The following CACNB1 variants were observed in gnomAD, a reference collection of about 807,000 sequenced individuals.
The protein encoded by CACNB1 is calcium voltage-gated channel auxiliary subunit beta 1, also known as voltage-dependent L-type calcium channel subunit beta-1.
CACNB1 carries 29 observed loss-of-function variants against 71.6 expected under a neutral mutation model. The ratio of observed to expected loss-of-function variants is 0.40; its 90% CI spans 0.30 to 0.55. The LOEUF is 0.55. CACNB1 is among the 20% of genes least tolerant of loss of function. The probability of loss-of-function intolerance (pLI) is 0.38; values close to 1 mark genes in which losing one functional copy is unlikely to be tolerated. For synonymous variants in CACNB1, 300 were observed against 319.6 expected, an observed-to-expected ratio of 0.94 and a Z score of 0.65; for missense variants, 623 against 801.8, an observed-to-expected ratio of 0.78 and a Z score of 2.69.
At chr17:39,179,724 C>T (rs1255423490) in intron 11 of CACNB1, among the ~76,000 whole-genome samples, 1 of 151,536 alleles carries the variant, frequency 6.6e-6, no homozygotes, top group Non-Finnish European at 1.5e-5. Flanking sequence ...CATGGTGAAA[C>T]CCTGTCTTTA....
At chr17:39,184,890 AC>A in intron 7 of CACNB1, 26 bp from the exon 8 acceptor site, 1 of 1,437,452 alleles carries the variant, frequency 7.0e-7, no homozygotes, top group South Asian at 1.1e-5. Flanking sequence ...GGGAGGGGAA[AC>A]CCCAGAGTGG....
chr17:39,197,266 A>C (rs1427585405), intron 1 of CACNB1, 146 bp downstream of exon 1: 24 of 373,628 alleles, frequency 6.4e-5, no homozygotes, highest in Non-Finnish European at 9.0e-5. Flanking sequence ...CATCAATCAC[A>C]ACCTGCAAGG....
rs984333555 is a variant in CACNB1, at chr17:39,186,394, A to G, written c.628+102T>C. Reference sequence around the variant, plus strand: ...ACTGCATGTGCTTGGGGGACTCAGGATTGGGGTGTTTCCTACTGCAGGGAA... The same window carrying G: ...ACTGCATGTGCTTGGGGGACTCAGGGTTGGGGTGTTTCCTACTGCAGGGAA... On this transcript the variant is annotated intron_variant, in intron 6 of 13. Coordinates refer to ENST00000394303, the MANE Select transcript of CACNB1 (RefSeq NM_000723.5). This position sits in a 1 kb window ranked among gnomAD's most constrained non-coding sequence, Gnocchi z 4.1. 1.2e-4 allele frequency: 99 copies of G among 828,490 alleles called. No homozygotes were observed. Among genetic ancestry groups the G allele is most frequent in the Non-Finnish European group, 1.7e-4 (89 of 513,554 alleles). 51.3% of individuals were successfully genotyped at this position (828,490 alleles called of 1,614,324 possible).
chr17:39,194,854 TC>T lies in CACNB1; in HGVS notation c.171+29del. 1 of 1,504,068 alleles carries T rather than the reference TC, an allele frequency of 6.6e-7. No individual in the cohort carries two copies. The highest frequency in any genetic ancestry group is 9.2e-7 in the Non-Finnish European group (1 of 1,085,354). The allele number at this position is 1,504,068 out of a possible 1,614,324, so 93.2% of individuals were successfully genotyped here. On this transcript the variant is annotated intron_variant, in intron 2 of 13. Coordinates refer to ENST00000394303, the MANE Select transcript of CACNB1 (RefSeq NM_000723.5). The surrounding 1 kb of genome is among the most constrained non-coding windows in gnomAD (Gnocchi z 4.6). ...TGCTGGTCTCCACCAACCAGCCACCTCCCTCCTCTCCGCCCAGCCTCCCCAT... is the reference window on the plus strand; with the variant it reads ...TGCTGGTCTCCACCAACCAGCCACCTCCTCCTCTCCGCCCAGCCTCCCCAT...
chr17:39,184,118 C>T lies in CACNB1; in HGVS notation c.811G>A (p.Ala271Thr). 1 of 1,612,458 alleles carries T rather than the reference C, an allele frequency of 6.2e-7. No homozygotes were observed. Among genetic ancestry groups the T allele is most frequent in the South Asian group, 1.1e-5 (1 of 91,036 alleles). Residue 271 changes from alanine (A) to threonine (T), a missense_variant, in exon 10 of 14, where the codon GCA (alanine) becomes ACA (threonine). Ala to Thr is a moderately conservative substitution (Grantham distance 58). Coordinates refer to ENST00000394303, the MANE Select transcript of CACNB1 (RefSeq NM_000723.5). The stretch of plus-strand genomic sequence containing the variant: ...GAGCGCTTAGCCAGGGAAATATCTG[C>T]CGTCACACGAGTGATGGAGATCCTG... ...DGRISITRVT[A>T]DISLAKRSVL...
chr17:39,193,549 G>C (rs369403249), intron 2 of CACNB1: 2 of 420,664 alleles, frequency 4.8e-6, no homozygotes, highest in Admixed American at 2.7e-5. Flanking sequence ...TTGGGGGCTC[G>C]GGTTACAAGC....
At chr17:39,182,691 ACT>A (rs2144114394) in intron 11 of CACNB1, among the ~76,000 whole-genome samples, 1 of 146,052 alleles carries the variant, frequency 6.8e-6, no homozygotes, top group South Asian at 2.2e-4. Context: ...ACAGAGCAAG[ACT>A]CTGTCTAAAA....
At chr17:39,184,920 TC>T in intron 7 of CACNB1, 56 bp from the exon 8 acceptor site, 1 of 1,255,800 alleles carries the variant, frequency 8.0e-7, no homozygotes, top group Non-Finnish European at 1.2e-6. Context: ...TTAGATCCTC[TC>T]CCCCAGACTC....
chr17:39,196,564 A>C (rs1459929368), intron 1 of CACNB1, among the ~76,000 whole-genome samples: 1 of 151,926 alleles, frequency 6.6e-6, no homozygotes. Flanking sequence ...GGAGAAGGAC[A>C]CTCCCAAAGA....
chr17:39,188,569 GT>G (rs201919988), intron 3 of CACNB1, among the ~76,000 whole-genome samples: 16,381 of 150,714 alleles, frequency 0.11, 891 homozygotes, highest in South Asian at 0.13. Flanking sequence ...GTGAGACTCC[GT>G]CAAAAAAAAA....
In CACNB1 at chr17:39,184,881, G is replaced by A. The variant is rs200480413; in HGVS notation, c.649-17C>T. ...ATGCTCTGTCTGGGGGGGGAAGCAG[G>A]GAGGGGAAACCCCAGAGTGGAGATG... On this transcript the variant is annotated splice_polypyrimidine_tract_variant and intron_variant, in intron 7 of 13. Transcript: ENST00000394303. 2.0e-3 allele frequency: 2,927 copies of A among 1,500,304 alleles called. 9 individuals are homozygous for A. Among genetic ancestry groups the A allele is most frequent in the Non-Finnish European group, 2.4e-3 (2,632 of 1,076,268 alleles). 92.9% of individuals were successfully genotyped at this position (1,500,304 alleles called of 1,614,324 possible).
chr17:39,193,848 T>C (rs1234605153), intron 2 of CACNB1: 1 of 167,140 alleles, frequency 6.0e-6, no homozygotes, highest in Non-Finnish European at 1.3e-5. Flanking sequence ...TCCTGTCTGT[T>C]CCTATACTTA....
At chr17:39,177,590 G>A in intron 12 of CACNB1, 55 bp from the exon 13 acceptor site, 1 of 1,439,224 alleles carries the variant, frequency 6.9e-7, no homozygotes, top group Non-Finnish European at 9.5e-7. Flanking sequence ...TGGCCAAGGG[G>A]GTTGAGGGTG....
rs149408250 is a variant in CACNB1, at chr17:39,175,979, G to C, written c.1333-322C>G. Among the ~76,000 whole-genome samples the C allele has an allele frequency of 7.2e-5, 11 of 152,254 alleles. No individual in the cohort carries two copies. In the East Asian group the frequency reaches 2.1e-3, roughly 29 times the overall value. ...GTGCAGGTCATTAATGCTATCTTGG[G>C]GCTAACTGTCATTAACAGCTCAGTA... On this transcript the variant is annotated intron_variant, in intron 13 of 13. Coordinates refer to ENST00000394303, the MANE Select transcript of CACNB1 (RefSeq NM_000723.5). This position sits in a 1 kb window ranked among gnomAD's most constrained non-coding sequence, Gnocchi z 4.7.
chr17:39,181,973 C>T (rs998098502), intron 11 of CACNB1, among the ~76,000 whole-genome samples: 1 of 152,000 alleles, frequency 6.6e-6, no homozygotes, highest in Non-Finnish European at 1.5e-5. Flanking sequence ...CCAACCTGAC[C>T]AACATGGTAA....
At chr17:39,180,527 C>T (rs908285654) in intron 11 of CACNB1, among the ~76,000 whole-genome samples, 8 of 151,166 alleles carry the variant, frequency 5.3e-5, no homozygotes, top group Non-Finnish European at 8.8e-5. Flanking sequence ...TGGTGGTGGG[C>T]GCCTGTAATA....
In CACNB1 at chr17:39,176,540, C is replaced by T. The variant is rs113338346; in HGVS notation, c.1332+810G>A. Among the ~76,000 whole-genome samples, 1,350 of 152,258 alleles carry T rather than the reference C, an allele frequency of 8.9e-3. 25 individuals carry two copies. The highest frequency in any genetic ancestry group is 0.031 in the African/African-American group (1,296 of 41,554). On this transcript the variant is annotated intron_variant, in intron 13 of 13. Coordinates refer to ENST00000394303, the MANE Select transcript of CACNB1 (RefSeq NM_000723.5). ...CATGGAGGTGGAGGGGAGGCCATTCCCCTGGCTCCCTCAGGGCAGAGCAAG... is the reference window on the plus strand; with the variant it reads ...CATGGAGGTGGAGGGGAGGCCATTCTCCTGGCTCCCTCAGGGCAGAGCAAG...
Position 39,183,828 on chromosome 17 carries a change from AGCTCGAAGATTC to A in CACNB1, c.923_934del (p.Arg308_Glu311del). The A allele has an allele frequency of 6.2e-7, 1 of 1,613,626 alleles. No homozygotes were observed. Among genetic ancestry groups the A allele is most frequent in the Non-Finnish European group, 8.5e-7 (1 of 1,179,620 alleles). On this transcript the variant is annotated inframe_deletion, in exon 11 of 14. Coordinates refer to ENST00000394303, the MANE Select transcript of CACNB1 (RefSeq NM_000723.5). ...AGCGACCAACTGAAGGGTCCGGGCC[AGCTCGAAGATTC>A]GCTCGATTTCACTCTGCACCTCAGC...
At position 39,175,513 on chromosome 17, in the gene CACNB1, C is replaced by T; in HGVS notation, c.1477G>A (p.Ala493Thr). The change falls in exon 14 of 14, where the codon GCA becomes ACA. Residue 493 changes from alanine to threonine, a missense_variant. By Grantham distance (58) the Ala-to-Thr change is moderately conservative. Transcript: ENST00000394303. The surrounding 1 kb of genome is among the most constrained non-coding windows in gnomAD (Gnocchi z 4.7). ...TCAAAAGTGTCTTGGCGGGACAGTG[C>T]CCGTAGCGTGCCTGCCCGGCCTGGT... is the stretch of plus-strand genomic sequence containing the variant. ...HPPGRAGTLR[A>T]LSRQDTFDAD... is the part of the protein sequence containing the mutation. The T allele has an allele frequency of 6.2e-6, 10 of 1,613,902 alleles. No homozygotes were observed. The highest frequency in any genetic ancestry group is 8.5e-6 in the Non-Finnish European group (10 of 1,180,012).
Sources: gnomAD v4.1 joint callset for allele counts (sites outside exome capture counted in the v4.1 genomes callset) on GRCh38, gnomAD v4.1.1 for gene constraint, Gnocchi (gnomAD v3.1) non-coding constraint, MANE v1.5 for transcripts, NCBI Gene and HGNC (gene_info 2026-07-23, HGNC 2026-07-21) for gene names.